The following SOS2 variants were observed in gnomAD, a reference collection of about 807,000 sequenced individuals.
The protein encoded by SOS2 is son of sevenless homolog 2.
In SOS2, 65 loss-of-function variants were observed where a neutral mutation model predicts 148.2. The ratio of observed to expected loss-of-function variants is 0.44; its 90% CI spans 0.36 to 0.54. The LOEUF is 0.54. Ranked by LOEUF, SOS2 falls within the 20% of genes least tolerant of loss-of-function variation. The probability of loss-of-function intolerance (pLI) is 0.00; values close to 1 mark genes in which losing one functional copy is unlikely to be tolerated. For synonymous variants in SOS2, 539 were observed against 537.1 expected (o/e 1.00, Z -0.05); for missense variants, 1,341 against 1,590.2 (o/e 0.84, Z 2.67).
At chr14:50,160,534 C>T (rs1884967334) in intron 9 of SOS2, among the ~76,000 whole-genome samples, 1 of 151,672 alleles carries the variant, frequency 6.6e-6, no homozygotes, top group South Asian at 2.1e-4. Context: ...TTACAGGTGC[C>T]TGCCACCACG....
At position 50,159,447 on chromosome 14, in the gene SOS2, T is replaced by C. The variant is rs2139627933; in HGVS notation, c.1836A>G (p.Thr612=). 1 of 1,609,710 alleles carries C rather than the reference T, an allele frequency of 6.2e-7. No individual in the cohort carries two copies. The highest frequency in any genetic ancestry group is 1.7e-5 in the Admixed American group (1 of 59,776). ...GTVVKLIERL[T]YHMYADPNFV... is the part of the protein sequence containing the mutation. Reference sequence around the variant, plus strand: ...TTCACATACCTGCATACATATGATATGTTAACCTTTCAATTAATTTCACTA... The same window carrying C: ...TTCACATACCTGCATACATATGATACGTTAACCTTTCAATTAATTTCACTA... Residue 612 remains threonine, a synonymous_variant, in exon 10 of 23, where the codon ACA becomes ACG. Coordinates refer to ENST00000216373, the MANE Select transcript of SOS2 (RefSeq NM_006939.4).
chr14:50,186,277 T>C (rs1885908393), intron 5 of SOS2, among the ~76,000 whole-genome samples: 1 of 152,202 alleles, frequency 6.6e-6, no homozygotes, highest in Non-Finnish European at 1.5e-5. Context: ...AGACATTTTC[T>C]GTCATATCAG....
In SOS2 at chr14:50,188,626, A is replaced by T; in HGVS notation, c.585T>A (p.Gly195=). Residue 195 remains glycine, a synonymous_variant, in exon 5 of 23, where the codon GGT becomes GGA. Coordinates refer to ENST00000216373, the MANE Select transcript of SOS2 (RefSeq NM_006939.4). ...TGACAAGATCATAGTAGTTTAATTC[A>T]CCAGAAGAACTAGGTTCATCTTCAC... The part of the protein sequence containing the change: ...SLCEDEPSSS[G]ELNYYDLVRT... 6.2e-7 allele frequency: 1 copy of T among 1,610,418 alleles called. No homozygotes were observed.
intron 1 of SOS2, 59 bp from the exon 2 acceptor site, chr14:50,204,468 CAA>C (rs780022170): frequency 1.4e-5 from 14 of 1,013,348 alleles, no homozygotes; most frequent in Non-Finnish European, 1.9e-5. Context: ...GAACAAAAGT[CAA>C]AGAGAATCTT....
intron 11 of SOS2, 138 bp downstream of exon 11, chr14:50,158,427 T>C (rs984350511): frequency 1.6e-5 from 9 of 565,764 alleles, no homozygotes; most frequent in African/African-American, 1.5e-4. Context: ...TTGAAGAGAA[T>C]AGTAATACTG....
intron 2 of SOS2, among the ~76,000 whole-genome samples, chr14:50,204,072 AT>A (rs1886588390): frequency 6.6e-6 from 1 of 151,812 alleles, no homozygotes; most frequent in Non-Finnish European, 1.5e-5. Flanking sequence ...CCCCTCATAA[AT>A]GTACCCAGTT....
intron 1 of SOS2, among the ~76,000 whole-genome samples, chr14:50,220,478 G>A (rs1887173601): frequency 6.8e-6 from 1 of 147,420 alleles, no homozygotes; most frequent in African/African-American, 2.5e-5. Context: ...TAGATTCACA[G>A]CAGCAAACAG....
At chr14:50,185,911 C>CA (rs952877922) in intron 5 of SOS2, among the ~76,000 whole-genome samples, 2 of 151,976 alleles carry the variant, frequency 1.3e-5, no homozygotes, top group Non-Finnish European at 2.9e-5. Context: ...AATGAGGAAA[C>CA]AGAGGCATAG....
intron 18 of SOS2, among the ~76,000 whole-genome samples, chr14:50,135,091 AAG>A (rs1225296965): frequency 0.012 from 1,056 of 89,720 alleles, 16 homozygotes; most frequent in African/African-American, 0.039. Context: ...AAAAAAAAAA[AAG>A]AAAGAAAGAA....
chr14:50,217,113 A>G (rs569482997), intron 1 of SOS2, among the ~76,000 whole-genome samples: 1 of 152,344 alleles, frequency 6.6e-6, no homozygotes, highest in South Asian at 2.1e-4. Flanking sequence ...TAAGGAAAAC[A>G]ATCAATAGAA....
chr14:50,209,851 T>C (rs773770788), intron 1 of SOS2, among the ~76,000 whole-genome samples: 2 of 152,106 alleles, frequency 1.3e-5, no homozygotes, highest in Non-Finnish European at 2.9e-5. Context: ...GGGAGAAAAC[T>C]AGACTTTAAG....
At position 50,171,454 on chromosome 14, in the gene SOS2, G is replaced by A. The variant is rs118126353; in HGVS notation, c.1068+3000C>T. On this transcript the variant is annotated intron_variant, in intron 8 of 22. Coordinates refer to ENST00000216373, the MANE Select transcript of SOS2 (RefSeq NM_006939.4). Reference sequence around the variant, plus strand: ...TAATCCCAGCATCTCGGGAGGCCAAGATGGACAGATCATGAGGTCAAGAGA... The same window carrying A: ...TAATCCCAGCATCTCGGGAGGCCAAAATGGACAGATCATGAGGTCAAGAGA... Among the ~76,000 whole-genome samples, 44 of 152,180 alleles carry A rather than the reference G, an allele frequency of 2.9e-4. 1 individual carries two copies. In the East Asian group the frequency reaches 8.5e-3, roughly 29 times the overall value.
At chr14:50,185,740 A>C (rs1477835888) in intron 5 of SOS2, among the ~76,000 whole-genome samples, 2 of 151,920 alleles carry the variant, frequency 1.3e-5, no homozygotes, top group Non-Finnish European at 2.9e-5. Flanking sequence ...TTTCCCTTTT[A>C]CAACATGCCA....
In SOS2 at chr14:50,153,209, A is replaced by G. The variant is rs11628935; in HGVS notation, c.2058-36T>C. On this transcript the variant is annotated intron_variant, in intron 12 of 22. Coordinates refer to ENST00000216373, the MANE Select transcript of SOS2 (RefSeq NM_006939.4). ...GGAAAGAAACACATTTTAGTGAAAC[A>G]TAAGTGTTCAATTACACTTCTTCCT... is the stretch of plus-strand genomic sequence containing the variant. 443,577 of 1,212,410 alleles carry G rather than the reference A, an allele frequency of 0.37. 85,666 individuals are homozygous for G. The highest frequency in any genetic ancestry group is 0.4 in the Non-Finnish European group (333,566 of 823,926). The allele number at this position is 1,212,410 out of a possible 1,614,324, so 75.1% of individuals were successfully genotyped here. A position where few individuals can be genotyped will look rare whatever the true frequency, so the allele number is the denominator to read the frequency against.
At chr14:50,154,739 T>TA (rs1884761732) in intron 12 of SOS2, among the ~76,000 whole-genome samples, 1 of 151,974 alleles carries the variant, frequency 6.6e-6, no homozygotes, top group South Asian at 2.1e-4. Context: ...CTAAAACAGG[T>TA]AAAACTAATC....
At position 50,186,075 on chromosome 14, in the gene SOS2, G is replaced by A. The variant is rs190609517; in HGVS notation, c.714+2422C>T. Reference sequence around the variant, plus strand: ...AGCTTTTTGAAAACATAGGATGAGGGGCAAAAGGAGTAACTTAAGATCATT... The same window carrying A: ...AGCTTTTTGAAAACATAGGATGAGGAGCAAAAGGAGTAACTTAAGATCATT... On this transcript the variant is annotated intron_variant, in intron 5 of 22. Coordinates refer to ENST00000216373, the MANE Select transcript of SOS2 (RefSeq NM_006939.4). Among the ~76,000 whole-genome samples the A allele has an allele frequency of 4.6e-5, 7 of 152,098 alleles. No individual in the cohort carries two copies. The East Asian group carries it at 1.4e-3, about 29-fold the overall frequency.
chr14:50,215,591 T>C (rs1475078402), intron 1 of SOS2: 7 of 489,888 alleles, frequency 1.4e-5, no homozygotes, highest in African/African-American at 8.4e-5. Context: ...TATTTTCAAA[T>C]TGCCAGAAGG....
At chr14:50,182,202 A>G (rs1209987775) in intron 6 of SOS2, among the ~76,000 whole-genome samples, 1 of 152,024 alleles carries the variant, frequency 6.6e-6, no homozygotes, top group Non-Finnish European at 1.5e-5. Context: ...TATCTTACAA[A>G]AAAATTTTGT....
intron 21 of SOS2, among the ~76,000 whole-genome samples, chr14:50,127,001 A>G (rs1883700075): frequency 6.6e-6 from 1 of 152,022 alleles, no homozygotes; most frequent in South Asian, 2.1e-4. Flanking sequence ...TCTTCAACAT[A>G]TTGTGGCAGA....
Sources: gnomAD v4.1 joint callset for allele counts (sites outside exome capture counted in the v4.1 genomes callset) on GRCh38, gnomAD v4.1.1 for gene constraint, MANE v1.5 for transcripts, NCBI Gene and HGNC (gene_info 2026-07-23, HGNC 2026-07-21) for gene names.